RIMBP2: variants seen among roughly 807,000 people sequenced by gnomAD.
RIMBP2 encodes RIMS-binding protein 2.
In RIMBP2, 48 loss-of-function variants were observed where a neutral mutation model predicts 118.6. The observed-to-expected ratio is 0.40, with a 90% CI of 0.32 to 0.51. The LOEUF (loss-of-function observed/expected upper bound fraction) is 0.51, where lower values mean the gene tolerates loss of function less well. RIMBP2 is among the 20% of genes least tolerant of loss of function. RIMBP2 has a pLI of 0.41. For missense variants in RIMBP2, 1,551 were observed against 1,768.3 expected (o/e 0.88, Z 2.20); for synonymous variants, 762 against 742.9 (o/e 1.03, Z -0.42).
chr12:130,555,719 G>A (rs908156038), intron 2 of RIMBP2, among the ~76,000 whole-genome samples: 1 of 152,118 alleles, frequency 6.6e-6, no homozygotes, highest in South Asian at 2.1e-4. Flanking sequence ...TTATGGCTTT[G>A]ACCTCAGAAG....
At chr12:130,560,835 G>A (rs1347673852) in intron 2 of RIMBP2, among the ~76,000 whole-genome samples, 2 of 152,162 alleles carry the variant, frequency 1.3e-5, no homozygotes, top group East Asian at 1.9e-4. Flanking sequence ...AGTATTAAGG[G>A]CTGAGTTGTG....
intron 2 of RIMBP2, among the ~76,000 whole-genome samples, chr12:130,596,283 G>C (rs919005636): frequency 6.6e-6 from 1 of 152,142 alleles, no homozygotes; most frequent in African/African-American, 2.4e-5. Flanking sequence ...TGCGTTTACT[G>C]AGCACTGACT....
chr12:130,701,736 A>G (rs1295814697), intron 1 of RIMBP2, among the ~76,000 whole-genome samples: 1 of 152,040 alleles, frequency 6.6e-6, no homozygotes, highest in African/African-American at 2.4e-5. Context: ...GTTTTTCTTC[A>G]AGATCTTTGG....
chr12:130,644,836 C>T (rs999884634), intron 1 of RIMBP2, among the ~76,000 whole-genome samples: 1 of 152,218 alleles, frequency 6.6e-6, no homozygotes, highest in African/African-American at 2.4e-5. Context: ...CCCAACGGCT[C>T]TGGCTGACTT....
At chr12:130,459,629 G>A (rs1016064792) in intron 6 of RIMBP2, among the ~76,000 whole-genome samples, 9 of 152,194 alleles carry the variant, frequency 5.9e-5, no homozygotes, top group South Asian at 2.1e-4. Flanking sequence ...AGCCTAAAGC[G>A]GGTTCTGCAT....
chr12:130,611,518 G>A (rs919612385), intron 2 of RIMBP2, among the ~76,000 whole-genome samples: 1 of 152,218 alleles, frequency 6.6e-6, no homozygotes, highest in Admixed American at 6.5e-5. Context: ...ACCGGGCTTC[G>A]CTGCAGGTGT....
chr12:130,454,542 C>T (rs562807685), intron 7 of RIMBP2, among the ~76,000 whole-genome samples: 2 of 152,168 alleles, frequency 1.3e-5, no homozygotes, highest in African/African-American at 2.4e-5. Flanking sequence ...CCATGCCAGG[C>T]GACCCCTGGT....
At chr12:130,541,318 A>T (rs2054583352) in intron 2 of RIMBP2, among the ~76,000 whole-genome samples, 1 of 152,152 alleles carries the variant, frequency 6.6e-6, no homozygotes, top group African/African-American at 2.4e-5. Flanking sequence ...TCACAGAGGG[A>T]TCCCTCTAGG....
chr12:130,540,343 A>G (rs1231951262), intron 2 of RIMBP2, among the ~76,000 whole-genome samples: 2 of 152,182 alleles, frequency 1.3e-5, no homozygotes, highest in African/African-American at 2.4e-5. Flanking sequence ...TGAATTAAGG[A>G]ATCGCACACA....
intron 1 of RIMBP2, among the ~76,000 whole-genome samples, chr12:130,676,271 G>T (rs537376846): frequency 1.4e-5 from 2 of 144,862 alleles, no homozygotes; most frequent in South Asian, 4.6e-4. Flanking sequence ...ATTCTTAACT[G>T]CCCAAAATTG....
At chr12:130,547,471 T>C (rs892802555) in intron 2 of RIMBP2, among the ~76,000 whole-genome samples, 2 of 152,254 alleles carry the variant, frequency 1.3e-5, no homozygotes, top group Non-Finnish European at 2.9e-5. Flanking sequence ...CTTATTGCCA[T>C]GTTAATCAAA....
At chr12:130,702,772 G>A (rs778910950) in intron 1 of RIMBP2, among the ~76,000 whole-genome samples, 32 of 152,090 alleles carry the variant, frequency 2.1e-4, no homozygotes, top group Non-Finnish European at 3.4e-4. Flanking sequence ...GATCCTGATC[G>A]GAATCTTGGG....
At position 130,456,841 on chromosome 12, in the gene RIMBP2, ATG is replaced by A. The variant is rs1380637019; in HGVS notation, c.154-143_154-142del. 5 of 640,488 alleles carry A rather than the reference ATG, an allele frequency of 7.8e-6. No individual in the cohort carries two copies. In the East Asian group the frequency reaches 8.5e-5, roughly 11 times the overall value. The allele number at this position is 640,488 out of a possible 1,614,324, so 39.7% of individuals were successfully genotyped here. On this transcript the variant is annotated intron_variant, in intron 6 of 22. Coordinates refer to ENST00000690449, the MANE Select transcript of RIMBP2 (RefSeq NM_001393629.1). ...ACACGTGTTGTGTCTGTGAAAATGC[ATG>A]TGTGGTTGAGTGTGTGCATATGAGC...
intron 14 of RIMBP2, chr12:130,429,733 C>T (rs1194812639): frequency 6.6e-6 from 1 of 152,278 alleles, no homozygotes; most frequent in East Asian, 1.9e-4. Flanking sequence ...CTGAGGGAAG[C>T]TGCGTGGGGC....
chr12:130,479,712 T>A (rs886632703), intron 4 of RIMBP2, among the ~76,000 whole-genome samples: 1 of 151,842 alleles, frequency 6.6e-6, no homozygotes, highest in African/African-American at 2.4e-5. Context: ...GGAGTCCAAA[T>A]TCCTTCACTT....
At chr12:130,647,155 G>A (rs1566424478) in intron 1 of RIMBP2, among the ~76,000 whole-genome samples, 1 of 152,294 alleles carries the variant, frequency 6.6e-6, no homozygotes, top group East Asian at 1.9e-4. Context: ...AAAGCTAATA[G>A]TATTCAAGAC....
At chr12:130,610,800 T>C (rs2140582566) in intron 2 of RIMBP2, among the ~76,000 whole-genome samples, 1 of 152,070 alleles carries the variant, frequency 6.6e-6, no homozygotes, top group African/African-American at 2.4e-5. Flanking sequence ...GACCTCGTGA[T>C]CCGCCCGCCT....
chr12:130,442,348 T>G lies in RIMBP2; in HGVS notation c.1004A>C (p.Glu335Ala). Residue 335 changes from glutamate (E) to alanine (A), a missense_variant, in exon 11 of 23, where the codon GAG becomes GCG. Transcript: ENST00000690449. This position sits in a 1 kb window ranked among gnomAD's most constrained non-coding sequence, Gnocchi z 6.9. The stretch of plus-strand genomic sequence containing the variant: ...CCATCCTGGTGGCACCGCCGGGGGC[T>G]CCCAGCCCACAATAACACTTTTGGC... ...QLAKSVIVGWEPPAVPPGWGT... is the reference protein window; with the variant it reads ...QLAKSVIVGWAPPAVPPGWGT... 3.7e-6 allele frequency: 6 copies of G among 1,614,198 alleles called. No individual in the cohort carries two copies. The highest frequency in any genetic ancestry group is 5.1e-6 in the Non-Finnish European group (6 of 1,180,036).
chr12:130,591,909 T>C (rs2059293796), intron 2 of RIMBP2, among the ~76,000 whole-genome samples: 1 of 152,212 alleles, frequency 6.6e-6, no homozygotes, highest in African/African-American at 2.4e-5. Flanking sequence ...ATTTGCATCT[T>C]ATCTGACAGC....
Sources: allele counts gnomAD v4.1 joint callset (sites outside exome capture counted in the v4.1 genomes callset), GRCh38; gene constraint gnomAD v4.1.1; non-coding constraint Gnocchi (gnomAD v3.1); transcripts MANE v1.5; gene names NCBI Gene and HGNC (gene_info 2026-07-23, HGNC 2026-07-21).